The following WDR35 variants were observed in gnomAD, a reference collection of about 807,000 sequenced individuals.
WDR35 encodes WD repeat domain 35, also known as WD repeat-containing protein 35.
In WDR35, 118 loss-of-function variants were observed where a neutral mutation model predicts 158.3. The ratio of observed to expected loss-of-function variants is 0.75; its 90% CI spans 0.64 to 0.87. The LOEUF (loss-of-function observed/expected upper bound fraction) is 0.87. Among genes scored for constraint, WDR35 ranks in the 40% least tolerant of loss-of-function variants. The probability of loss-of-function intolerance (pLI) is 0.00; values close to 1 mark genes in which losing one functional copy is unlikely to be tolerated. For synonymous variants in WDR35, 448 were observed against 476.1 expected (o/e 0.94, Z 0.77); for missense variants, 1,263 against 1,405.8 (o/e 0.90, Z 1.62).
chr2:19,967,107 A>T (rs759477529), intron 9 of WDR35, among the ~76,000 whole-genome samples, 198 bp from the exon 10 acceptor site: 1 of 152,188 alleles, frequency 6.6e-6, no homozygotes, highest in East Asian at 1.9e-4. Flanking sequence ...TAAAACAAAG[A>T]ATGTGCTGCA....
chr2:19,972,376 C>G (rs1672058891), intron 8 of WDR35, among the ~76,000 whole-genome samples: 1 of 152,130 alleles, frequency 6.6e-6, no homozygotes. Flanking sequence ...ACTTTAGAAC[C>G]CATGTTTTTC....
intron 25 of WDR35, among the ~76,000 whole-genome samples, chr2:19,930,040 T>C (rs1309724009): frequency 1.3e-5 from 2 of 149,952 alleles, no homozygotes; most frequent in East Asian, 3.9e-4. Flanking sequence ...GTATTAAATA[T>C]ATTTTATGTA....
At chr2:19,952,496 T>C (rs1671271597) in intron 12 of WDR35, among the ~76,000 whole-genome samples, 1 of 152,186 alleles carries the variant, frequency 6.6e-6, no homozygotes, top group Non-Finnish European at 1.5e-5. Flanking sequence ...TCTTCTTGAT[T>C]TAAACTAATG....
intron 11 of WDR35, 115 bp from the exon 12 acceptor site, chr2:19,954,093 C>A: frequency 8.6e-7 from 1 of 1,166,064 alleles, no homozygotes; most frequent in Non-Finnish European, 1.3e-6. Context: ...ACAATATACC[C>A]CCACATAGTC....
At chr2:19,926,381 T>C (rs867269184) in intron 25 of WDR35, among the ~76,000 whole-genome samples, 96 of 152,144 alleles carry the variant, frequency 6.3e-4, no homozygotes, top group African/African-American at 2.2e-3. Flanking sequence ...ATCAAAAGGT[T>C]AAGTTTTCCA....
chr2:19,936,626 G>C (rs1670705544), intron 19 of WDR35, among the ~76,000 whole-genome samples: 1 of 152,156 alleles, frequency 6.6e-6, no homozygotes, highest in South Asian at 2.1e-4. Context: ...TGGGGTTTCT[G>C]GGAAGTCATT....
chr2:19,930,638 C>A (rs1670498040), intron 24 of WDR35, 86 bp from the exon 25 acceptor site: 4 of 1,567,032 alleles, frequency 2.6e-6, no homozygotes, highest in African/African-American at 1.3e-5. Context: ...ATTAAAGTAT[C>A]TAAATGAGCA....
intron 2 of WDR35, among the ~76,000 whole-genome samples, chr2:19,988,457 G>T (rs1201150851): frequency 6.6e-6 from 1 of 152,140 alleles, no homozygotes; most frequent in East Asian, 1.9e-4. Flanking sequence ...AATACAGTTT[G>T]AGAAGCTATG....
Position 19,975,606 on chromosome 2 carries a change from G to A in WDR35, c.494C>T (p.Ser165Phe), listed in dbSNP as rs1374315659. The change falls in exon 6 of 27, where the codon TCT becomes TTT. Residue 165 changes from serine (S) to phenylalanine (F), a missense_variant. Transcript: ENST00000281405. ...AAAAAGTAAGACTTTACTGTCCGCA[G>A]ACCATGTTACATGGGATAGCTGTAT... is the stretch of plus-strand genomic sequence containing the variant. The part of the protein sequence containing the change: ...KGIQLSHVTW[S>F]ADSKVLLFGM... The A allele has an allele frequency of 6.2e-7, 1 of 1,614,068 alleles. No individual in the cohort carries two copies. The highest frequency in any genetic ancestry group is 1.1e-5 in the South Asian group (1 of 91,076).
chr2:19,978,179 TACAC>T (rs1006171833), intron 5 of WDR35, among the ~76,000 whole-genome samples: 3 of 144,916 alleles, frequency 2.1e-5, no homozygotes, highest in African/African-American at 5.2e-5. Flanking sequence ...TACATGAAGT[TACAC>T]ACACACACAC....
rs533715600 is a variant in WDR35, at chr2:19,933,525, A to G, written c.2548-14T>C. Reference sequence around the variant, plus strand: ...TTGTGCTATTTCCTGTACAAACAAAACAATACTATCAGATTTCACAGACCA... The same window carrying G: ...TTGTGCTATTTCCTGTACAAACAAAGCAATACTATCAGATTTCACAGACCA... On this transcript the variant is annotated splice_polypyrimidine_tract_variant and intron_variant, in intron 21 of 26. Transcript: ENST00000281405. 1.9e-6 allele frequency: 3 copies of G among 1,601,118 alleles called. No individual in the cohort carries two copies. The highest frequency in any genetic ancestry group is 1.7e-6 in the Non-Finnish European group (2 of 1,168,958).
rs759338246 is a variant in WDR35 at position 19,982,516 on chromosome 2, C to G, written c.161G>C (p.Gly54Ala). 1 of 1,613,662 alleles carries G rather than the reference C, an allele frequency of 6.2e-7. No individual in the cohort carries two copies. The highest frequency in any genetic ancestry group is 2.2e-5 in the East Asian group (1 of 44,858). The change falls in exon 3 of 27, where the codon GGC (glycine) becomes GCC (alanine). Residue 54 changes from glycine to alanine, a missense_variant. Physicochemically the swap from Gly to Ala is moderately conservative, Grantham distance 60 (BLOSUM62 0). Transcript: ENST00000281405. ...ETQTDDAKLR[G>A]LAAPSNLSMN... ...AGAAAGGTTACTGGGGGCTGCAAGGCCCCTCAATTTTGCATCATCTAAAAC... is the reference window on the plus strand; with the variant it reads ...AGAAAGGTTACTGGGGGCTGCAAGGGCCCTCAATTTTGCATCATCTAAAAC...
At chr2:19,962,614 T>A (rs1373801864) in intron 10 of WDR35, among the ~76,000 whole-genome samples, 1 of 152,202 alleles carries the variant, frequency 6.6e-6, no homozygotes, top group Non-Finnish European at 1.5e-5. Flanking sequence ...GTTCTTTATG[T>A]GCTATTTACA....
rs62109414 is a variant in WDR35, at chr2:19,954,279, A to T, written c.1256-301T>A. ...GGTCAGGCAATAATTGGCTTCTTAG[A>T]TATGACACCAAAAACACAAATGACA... is the stretch of plus-strand genomic sequence containing the variant. On this transcript the variant is annotated intron_variant, in intron 11 of 26. Transcript: ENST00000281405. Among the ~76,000 whole-genome samples, 12,673 of 152,288 alleles carry T rather than the reference A, an allele frequency of 0.083. 747 individuals carry two copies. Among genetic ancestry groups the T allele is most frequent in the East Asian group, 0.23 (1,206 of 5,188 alleles).
At position 19,981,055 on chromosome 2, in the gene WDR35, T is replaced by C. The variant is rs565792115; in HGVS notation, c.215-272A>G. ...GCTACCAGAACTACCATATACCTGA[T>C]GACAGAAACAAATACAAGCATGGTT... On this transcript the variant is annotated intron_variant, in intron 3 of 26. Coordinates refer to ENST00000281405, the MANE Select transcript of WDR35 (RefSeq NM_020779.4). Among the ~76,000 whole-genome samples, 6 of 152,308 alleles carry C rather than the reference T, an allele frequency of 3.9e-5. No individual in the cohort carries two copies. In the South Asian group the frequency reaches 1.2e-3, roughly 32 times the overall value.
chr2:19,924,475 A>G (rs1266810645), intron 25 of WDR35, among the ~76,000 whole-genome samples: 1 of 152,134 alleles, frequency 6.6e-6, no homozygotes, highest in East Asian at 1.9e-4. Context: ...GAGGCAGGAG[A>G]ATGGCGTGAA....
At chr2:19,957,556 ATTT>A (rs35202505) in intron 11 of WDR35, among the ~76,000 whole-genome samples, 2 of 145,618 alleles carry the variant, frequency 1.4e-5, no homozygotes, top group Non-Finnish European at 3.0e-5. Context: ...AGGTTATTGG[ATTT>A]TTTTTTTTTT....
At chr2:19,939,133 T>G (rs1670792200) in intron 17 of WDR35, among the ~76,000 whole-genome samples, 1 of 152,108 alleles carries the variant, frequency 6.6e-6, no homozygotes, top group Non-Finnish European at 1.5e-5. Flanking sequence ...AAAACACTAC[T>G]AACAATGAAA....
At chr2:19,924,626 G>C (rs1348706078) in intron 25 of WDR35, among the ~76,000 whole-genome samples, 1 of 152,186 alleles carries the variant, frequency 6.6e-6, no homozygotes, top group Non-Finnish European at 1.5e-5. Context: ...ATTAGCTTTT[G>C]ACAATGCTAA....
Sources: gnomAD v4.1 joint callset for allele counts (sites outside exome capture counted in the v4.1 genomes callset) on GRCh38, gnomAD v4.1.1 for gene constraint, MANE v1.5 for transcripts, NCBI Gene and HGNC (gene_info 2026-07-23, HGNC 2026-07-21) for gene names.